TNFRSF1B: variants seen among roughly 807,000 people sequenced by gnomAD.
TNFRSF1B encodes the protein tumor necrosis factor receptor superfamily member 1B.
A neutral mutation model predicts 44.6 loss-of-function variants in TNFRSF1B; 19 were observed. The observed-to-expected ratio is 0.43, with a 90% confidence interval of 0.30 to 0.62. The LOEUF is 0.62. TNFRSF1B is among the 20% of genes least tolerant of loss of function. TNFRSF1B has a pLI of 0.16. For synonymous variants in TNFRSF1B, 252 were observed against 261.1 expected (o/e 0.97, Z 0.34); for missense variants, 541 against 619.9 (o/e 0.87, Z 1.35).
At chr1:12,167,483 C>A in intron 1 of TNFRSF1B, 1 of 439,792 alleles carries the variant, frequency 2.3e-6, no homozygotes, top group Non-Finnish European at 4.2e-6. Flanking sequence ...AGCAGCGGGT[C>A]CTGGGCAGAC....
intron 2 of TNFRSF1B, among the ~76,000 whole-genome samples, chr1:12,190,458 C>CAAAAAA (rs4044499): frequency 0.034 from 2,074 of 61,418 alleles, 101 homozygotes; most frequent in Non-Finnish European, 0.046. Context: ...GATTCTGTCT[C>CAAAAAA]AAAAAAAAAA....
rs5746003 is a variant in TNFRSF1B at position 12,188,682 on chromosome 1, A to T, written c.79-114A>T. The T allele has an allele frequency of 6.0e-3, 5,525 of 922,438 alleles. 227 individuals carry two copies. In the African/African-American group the frequency reaches 0.081, roughly 13 times the overall value. 57.1% of individuals were successfully genotyped at this position (922,438 alleles called of 1,614,324 possible). On this transcript the variant is annotated intron_variant, in intron 1 of 9. Transcript: ENST00000376259. ...GGGAGAAACCTCCCCAGCCATCATC[A>T]GTGCAGACTGGCAGGGGGAGGGCCA...
In TNFRSF1B at chr1:12,177,175, TG is replaced by T. The variant is rs1173612793; in HGVS notation, c.78+10007del. Among the ~76,000 whole-genome samples the T allele has an allele frequency of 2.0e-5, 3 of 152,114 alleles. No individual in the cohort carries two copies. The highest frequency in any genetic ancestry group is 7.2e-5 in the African/African-American group (3 of 41,448). ...GCCCCACCACGCCTGGCTAATTTTT[TG>T]TATTTTTTTTAGTAGAGATGGTGTT... is the stretch of plus-strand genomic sequence containing the variant. On this transcript the variant is annotated intron_variant, in intron 1 of 9. Transcript: ENST00000376259. The surrounding 1 kb of genome is among the most constrained non-coding windows in gnomAD (Gnocchi z 4.3).
rs113060175 is a variant in TNFRSF1B at position 12,178,090 on chromosome 1, G to A, written c.79-10706G>A. On this transcript the variant is annotated intron_variant, in intron 1 of 9. Coordinates refer to ENST00000376259, the MANE Select transcript of TNFRSF1B (RefSeq NM_001066.3). The surrounding 1 kb of genome is among the most constrained non-coding windows in gnomAD (Gnocchi z 4.3). Reference sequence around the variant, plus strand: ...GTGGTGGTGGAGGAGACCGTGAGCCGCTGTCACCTGAACACTGGTGCACTC... The same window carrying A: ...GTGGTGGTGGAGGAGACCGTGAGCCACTGTCACCTGAACACTGGTGCACTC... Among the ~76,000 whole-genome samples, 10 of 152,340 alleles carry A rather than the reference G, an allele frequency of 6.6e-5. No homozygotes were observed. The highest frequency in any genetic ancestry group is 3.9e-4 in the East Asian group (2 of 5,188).
At chr1:12,183,117 G>A (rs1237379444) in intron 1 of TNFRSF1B, among the ~76,000 whole-genome samples, 1 of 152,216 alleles carries the variant, frequency 6.6e-6, no homozygotes, top group South Asian at 2.1e-4. Context: ...GCAGGTGCTC[G>A]GTACCGATGA....
chr1:12,198,958 G>C (rs1639330940), intron 8 of TNFRSF1B, among the ~76,000 whole-genome samples: 1 of 152,076 alleles, frequency 6.6e-6, no homozygotes, highest in East Asian at 1.9e-4. Context: ...CTCCCAAAGT[G>C]CTGGGATTAC....
chr1:12,179,098 G>A (rs554138269), intron 1 of TNFRSF1B, among the ~76,000 whole-genome samples: 94 of 152,212 alleles, frequency 6.2e-4, no homozygotes, highest in African/African-American at 2.1e-3. Context: ...CATGCCCGGC[G>A]TCTTTGTACC....
chr1:12,195,141 C>A (rs1385590072), intron 8 of TNFRSF1B, among the ~76,000 whole-genome samples: 1 of 152,222 alleles, frequency 6.6e-6, no homozygotes, highest in African/African-American at 2.4e-5. Flanking sequence ...GGCTGTGGGG[C>A]TGGGCCCTGG....
At chr1:12,182,616 A>G (rs1638837553) in intron 1 of TNFRSF1B, among the ~76,000 whole-genome samples, 1 of 152,222 alleles carries the variant, frequency 6.6e-6, no homozygotes. Context: ...GACTTTCTCC[A>G]TGGACCACGG....
At chr1:12,197,582 C>T (rs1639293826) in intron 8 of TNFRSF1B, among the ~76,000 whole-genome samples, 1 of 152,160 alleles carries the variant, frequency 6.6e-6, no homozygotes, top group Admixed American at 6.5e-5. Context: ...GAAACTGAGA[C>T]TCTGGGAGGT....
At chr1:12,183,222 C>T (rs1330163891) in intron 1 of TNFRSF1B, among the ~76,000 whole-genome samples, 1 of 152,180 alleles carries the variant, frequency 6.6e-6, no homozygotes, top group Non-Finnish European at 1.5e-5. Flanking sequence ...GGAGGCGGCT[C>T]AGAGACTGTG....
intron 8 of TNFRSF1B, among the ~76,000 whole-genome samples, chr1:12,200,532 A>G (rs1292993463): frequency 6.6e-6 from 1 of 152,160 alleles, no homozygotes; most frequent in Admixed American, 6.5e-5. Flanking sequence ...ACATGCATAG[A>G]CAGCACACAC....
In TNFRSF1B at chr1:12,172,984, C is replaced by T. The variant is rs1016543016; in HGVS notation, c.78+5815C>T. On this transcript the variant is annotated intron_variant, in intron 1 of 9. Coordinates refer to ENST00000376259, the MANE Select transcript of TNFRSF1B (RefSeq NM_001066.3). ...TGCTGAAGGTTCTGTTTACTTGTGACCCTGAGAAGGGGATGCCCTATGGGG... is the reference window on the plus strand; with the variant it reads ...TGCTGAAGGTTCTGTTTACTTGTGATCCTGAGAAGGGGATGCCCTATGGGG... Among the ~76,000 whole-genome samples, 4 of 152,206 alleles carry T rather than the reference C, an allele frequency of 2.6e-5. No individual in the cohort carries two copies. The East Asian group carries it at 7.7e-4, about 29-fold the overall frequency.
intron 1 of TNFRSF1B, among the ~76,000 whole-genome samples, chr1:12,179,553 G>A (rs1638744184): frequency 6.6e-6 from 1 of 152,184 alleles, no homozygotes. Flanking sequence ...CACAGCTTTG[G>A]CCCCTGCCCT....
chr1:12,170,006 G>A (rs1191011661), intron 1 of TNFRSF1B, among the ~76,000 whole-genome samples: 1 of 152,200 alleles, frequency 6.6e-6, no homozygotes, highest in East Asian at 1.9e-4. Context: ...GGTGATCTGG[G>A]GTACCTGCTG....
At chr1:12,183,752 G>C (rs1201133) in intron 1 of TNFRSF1B, among the ~76,000 whole-genome samples, 8 of 60,882 alleles carry the variant, frequency 1.3e-4, no homozygotes, top group Non-Finnish European at 1.7e-4. Flanking sequence ...TATCTATCTA[G>C]CTAGCTAGCT....
intron 1 of TNFRSF1B, among the ~76,000 whole-genome samples, chr1:12,176,802 G>A (rs1170575374): frequency 6.6e-6 from 1 of 152,204 alleles, no homozygotes; most frequent in Non-Finnish European, 1.5e-5. Flanking sequence ...GACAGCTCTG[G>A]GTTGGTGAAG....
intron 5 of TNFRSF1B, 82 bp from the exon 6 acceptor site, chr1:12,192,781 C>G: frequency 8.0e-7 from 1 of 1,243,274 alleles, no homozygotes; most frequent in Non-Finnish European, 1.1e-6. Context: ...CCTATCCTGC[C>G]TGCTGGGGCC....
chr1:12,206,642 C>T, intron 9 of TNFRSF1B, 98 bp from the exon 10 acceptor site: 2 of 1,354,074 alleles, frequency 1.5e-6, no homozygotes, highest in Non-Finnish European at 2.0e-6. Context: ...TGGCCCAGTG[C>T]TCTTTCCCAT....
Sources: gnomAD v4.1 joint callset for allele counts (sites outside exome capture counted in the v4.1 genomes callset) on GRCh38, gnomAD v4.1.1 for gene constraint, Gnocchi (gnomAD v3.1) non-coding constraint, MANE v1.5 for transcripts, NCBI Gene and HGNC (gene_info 2026-07-23, HGNC 2026-07-21) for gene names.